Variants in PHACTR1 observed in about 807,000 individuals in gnomAD.
The protein encoded by PHACTR1 is phosphatase and actin regulator 1.
In PHACTR1, 16 loss-of-function variants were observed where a neutral mutation model predicts 69.2. The ratio of observed to expected loss-of-function variants is 0.23; its 90% CI spans 0.16 to 0.35. The LOEUF (loss-of-function observed/expected upper bound fraction) is 0.35, where lower values mean the gene tolerates loss of function less well. Ranked by LOEUF, PHACTR1 falls within the 10% of genes least tolerant of loss-of-function variation. The pLI, the probability that PHACTR1 is intolerant of heterozygous loss-of-function variation, is 1.00. For synonymous variants in PHACTR1, 312 were observed against 284.5 expected (o/e 1.10, Z -0.97); for missense variants, 510 against 734.7 (o/e 0.69, Z 3.54).
chr6:13,171,869 T>G (rs1760673086), intron 6 of PHACTR1, among the ~76,000 whole-genome samples: 1 of 152,108 alleles, frequency 6.6e-6, no homozygotes, highest in Admixed American at 6.6e-5. Context: ...GGGGTTCAAG[T>G]GATTCTCCTG....
At chr6:13,205,404 A>G (rs1290211456) in intron 7 of PHACTR1, among the ~76,000 whole-genome samples, 1 of 152,194 alleles carries the variant, frequency 6.6e-6, no homozygotes, top group African/African-American at 2.4e-5. Flanking sequence ...ATATTTCACC[A>G]TGAGTTTTTG....
intron 4 of PHACTR1, among the ~76,000 whole-genome samples, chr6:12,973,738 G>T (rs977160945): frequency 1.3e-5 from 2 of 152,130 alleles, no homozygotes; most frequent in Non-Finnish European, 2.9e-5. Flanking sequence ...AAAACCAGAG[G>T]CCATGAGACA....
At chr6:12,740,566 T>C (rs932763693) in intron 3 of PHACTR1, among the ~76,000 whole-genome samples, 3 of 152,118 alleles carry the variant, frequency 2.0e-5, no homozygotes, top group African/African-American at 7.2e-5. Context: ...AAGTTTTTGG[T>C]CCATTTAAAA....
At chr6:12,889,758 TTCTTCC>T (rs1783982880) in intron 4 of PHACTR1, among the ~76,000 whole-genome samples, 1 of 150,868 alleles carries the variant, frequency 6.6e-6, no homozygotes, top group Non-Finnish European at 1.5e-5. Flanking sequence ...CTTCTTCTTC[TTCTTCC>T]TCTTCTTCTC....
intron 4 of PHACTR1, among the ~76,000 whole-genome samples, chr6:12,750,989 T>TGG (rs1766545771): frequency 6.6e-6 from 1 of 152,092 alleles, no homozygotes; most frequent in South Asian, 2.1e-4. Flanking sequence ...TGTGTGTGTG[T>TGG]GTGTGCGCGT....
At chr6:13,164,079 C>T (rs530763257) in intron 6 of PHACTR1, among the ~76,000 whole-genome samples, 1 of 152,182 alleles carries the variant, frequency 6.6e-6, no homozygotes, top group East Asian at 1.9e-4. Context: ...TCTGTGACCT[C>T]CTCAGAATGG....
At chr6:12,945,958 G>A (rs1218054943) in intron 4 of PHACTR1, among the ~76,000 whole-genome samples, 1 of 129,094 alleles carries the variant, frequency 7.7e-6, no homozygotes, top group Admixed American at 8.1e-5. Flanking sequence ...GCAAGACTCT[G>A]TCTCAAAAAT....
chr6:13,063,193 G>A (rs1291495951), intron 5 of PHACTR1, among the ~76,000 whole-genome samples: 1 of 152,130 alleles, frequency 6.6e-6, no homozygotes, highest in African/African-American at 2.4e-5. Flanking sequence ...GCAACAGTGA[G>A]GACGGACATG....
At chr6:13,211,934 T>C (rs1050404005) in intron 8 of PHACTR1, among the ~76,000 whole-genome samples, 1 of 152,140 alleles carries the variant, frequency 6.6e-6, no homozygotes, top group African/African-American at 2.4e-5. Context: ...ACACACACAA[T>C]GCGTGACTTA....
chr6:13,110,921 G>GT (rs1816937145), intron 5 of PHACTR1, among the ~76,000 whole-genome samples: 1 of 151,728 alleles, frequency 6.6e-6, no homozygotes, highest in Admixed American at 6.6e-5. Context: ...TTTGTTTTTT[G>GT]TTTTTTGTTT....
chr6:12,792,897 T>G (rs1291845587), intron 4 of PHACTR1, among the ~76,000 whole-genome samples: 1 of 151,644 alleles, frequency 6.6e-6, no homozygotes, highest in African/African-American at 2.4e-5. Flanking sequence ...ATTTCTGTCT[T>G]GACTACACCT....
chr6:13,190,322 A>C (rs1256631245), intron 7 of PHACTR1, among the ~76,000 whole-genome samples: 1 of 150,666 alleles, frequency 6.6e-6, no homozygotes, highest in African/African-American at 2.4e-5. Context: ...GGCGTGAGCC[A>C]CCAAGCCCGG....
chr6:13,070,940 G>A (rs1406820386), intron 5 of PHACTR1, among the ~76,000 whole-genome samples: 3 of 151,812 alleles, frequency 2.0e-5, no homozygotes, highest in African/African-American at 2.4e-5. Context: ...ATGAATTAAT[G>A]AGGATTTGGA....
At chr6:12,897,698 T>TTTATTATTATTA (rs10526737) in intron 4 of PHACTR1, among the ~76,000 whole-genome samples, 3,593 of 148,832 alleles carry the variant, frequency 0.024, 52 homozygotes, top group Non-Finnish European at 0.027. Context: ...TTTGTAATCT[T>TTTATTATTATTA]TTATTATTAT....
chr6:12,793,643 AT>A (rs1223300677), intron 4 of PHACTR1, among the ~76,000 whole-genome samples: 1 of 152,214 alleles, frequency 6.6e-6, no homozygotes, highest in Non-Finnish European at 1.5e-5. Flanking sequence ...TAGTGGTAGA[AT>A]TTAGTGGTGG....
At chr6:12,783,597 G>A (rs1464379577) in intron 4 of PHACTR1, among the ~76,000 whole-genome samples, 1 of 152,134 alleles carries the variant, frequency 6.6e-6, no homozygotes, top group African/African-American at 2.4e-5. Context: ...AAATTGTGAA[G>A]AAAGACAATA....
chr6:12,926,094 T>TGTCC (rs1457423664), intron 4 of PHACTR1, among the ~76,000 whole-genome samples: 5 of 152,178 alleles, frequency 3.3e-5, no homozygotes, highest in Non-Finnish European at 5.9e-5. Context: ...TCTTTGGTTA[T>TGTCC]GTCCCCTCTG....
Position 13,144,770 on chromosome 6 carries a change from CAGA to C in PHACTR1, c.416-15432_416-15430del, listed in dbSNP as rs756640737. On this transcript the variant is annotated intron_variant, in intron 5 of 14. Coordinates refer to ENST00000332995, the MANE Select transcript of PHACTR1 (RefSeq NM_030948.6). The stretch of plus-strand genomic sequence containing the variant: ...TGGGCAACAGACTGAGACCCTGTCT[CAGA>C]AAAAAAAAAAAAAAAAAAGTATGTG... Among the ~76,000 whole-genome samples the C allele has an allele frequency of 1.9e-3, 33 of 17,348 alleles. 2 individuals are homozygous for C. The highest frequency in any genetic ancestry group is 2.9e-3 in the Non-Finnish European group (16 of 5,454). The allele number at this position is 17,348 out of a possible 152,430, so 11.4% of individuals were successfully genotyped here. A position where few individuals can be genotyped will look rare whatever the true frequency, so the allele number is the denominator to read the frequency against.
At chr6:13,051,420 A>G (rs7756776) in intron 4 of PHACTR1, among the ~76,000 whole-genome samples, 43,072 of 152,080 alleles carry the variant, frequency 0.28, 6,853 homozygotes, top group African/African-American at 0.43. Context: ...TGAACCCCAA[A>G]TGCCAATTCA....
Sources: allele counts gnomAD v4.1 joint callset (sites outside exome capture counted in the v4.1 genomes callset), GRCh38; gene constraint gnomAD v4.1.1; transcripts MANE v1.5; gene names NCBI Gene and HGNC (gene_info 2026-07-23, HGNC 2026-07-21).